PPP1R17: variants seen among roughly 807,000 people sequenced by gnomAD.
The protein encoded by PPP1R17 is G-substrate.
A neutral mutation model predicts 15.9 loss-of-function variants in PPP1R17; 12 were observed. The observed-to-expected ratio is 0.75, with a 90% CI of 0.48 to 1.22. PPP1R17 has a LOEUF of 1.22. PPP1R17 is among the 50% of genes most tolerant of loss of function. The pLI is 0.00. For synonymous variants in PPP1R17, 63 were observed against 64.5 expected (o/e 0.98, Z 0.11); for missense variants, 211 against 187.3 (o/e 1.13, Z -0.74).
In PPP1R17 at chr7:31,692,265, A is replaced by C. The variant is rs1261633921; in HGVS notation, c.-36-141A>C. 1.1e-5 allele frequency: 6 copies of C among 548,874 alleles called. No individual in the cohort carries two copies. The African/African-American group carries it at 1.1e-4, about 10-fold the overall frequency. 34.0% of individuals were successfully genotyped at this position (548,874 alleles called of 1,614,324 possible). Reference sequence around the variant, plus strand: ...TCAAGTTTAGAGTTTCTAATAGCCAAGTTTAAGAAGCACACATAAAGAAAC... The same window carrying C: ...TCAAGTTTAGAGTTTCTAATAGCCACGTTTAAGAAGCACACATAAAGAAAC... On this transcript the variant is annotated intron_variant, in intron 1 of 4. Coordinates refer to ENST00000342032, the MANE Select transcript of PPP1R17 (RefSeq NM_006658.5).
At chr7:31,692,712 T>C (rs1487302375) in intron 2 of PPP1R17, among the ~76,000 whole-genome samples, 189 bp downstream of exon 2, 2 of 152,112 alleles carry the variant, frequency 1.3e-5, no homozygotes, top group African/African-American at 2.4e-5. Context: ...ATGTAAATAT[T>C]AGCTGAAGCA....
chr7:31,690,624 G>C (rs1384751340), intron 1 of PPP1R17, among the ~76,000 whole-genome samples: 2 of 152,126 alleles, frequency 1.3e-5, no homozygotes, highest in African/African-American at 4.8e-5. Context: ...AGGTCTATTT[G>C]ACTCAAGAAT....
chr7:31,694,387 AACACAC>A (rs533091870), intron 2 of PPP1R17, among the ~76,000 whole-genome samples: 19 of 141,676 alleles, frequency 1.3e-4, no homozygotes, highest in Non-Finnish European at 2.0e-4. Flanking sequence ...CTCTCTCTCA[AACACAC>A]ACACACACAC....
intron 4 of PPP1R17, among the ~76,000 whole-genome samples, chr7:31,704,619 C>T (rs1179557168): frequency 6.6e-5 from 10 of 152,116 alleles, no homozygotes; most frequent in East Asian, 5.8e-4. Flanking sequence ...GTGAAATATG[C>T]GGTAACAGAG....
chr7:31,700,782 A>G (rs1175018494), intron 4 of PPP1R17, among the ~76,000 whole-genome samples: 1 of 152,126 alleles, frequency 6.6e-6, no homozygotes, highest in Non-Finnish European at 1.5e-5. Context: ...GCCCTTATGA[A>G]TTATGTTAAA....
At chr7:31,694,999 T>C (rs921654501) in intron 2 of PPP1R17, among the ~76,000 whole-genome samples, 9 of 152,086 alleles carry the variant, frequency 5.9e-5, no homozygotes, top group Admixed American at 1.3e-4. Context: ...ACTGGCACAA[T>C]GATGAAGGCA....
rs1156581481 is a variant in PPP1R17 at position 31,692,405 on chromosome 7, G to C, written c.-36-1G>C. On this transcript the variant is annotated splice_acceptor_variant, in intron 1 of 4. Transcript: ENST00000342032. LOFTEE classifies it low-confidence loss of function (5UTR_SPLICE). ...ATTAACTGTTTTTTATACTTCCTTAGTGCTGGAGAAGAAATACATCCACCC... is the reference window on the plus strand; with the variant it reads ...ATTAACTGTTTTTTATACTTCCTTACTGCTGGAGAAGAAATACATCCACCC... 1 of 1,500,436 alleles carries C rather than the reference G, an allele frequency of 6.7e-7. No individual in the cohort carries two copies. The allele number at this position is 1,500,436 out of a possible 1,614,324, so 92.9% of individuals were successfully genotyped here. A position where few individuals can be genotyped will look rare whatever the true frequency, so the allele number is the denominator to read the frequency against.
At chr7:31,690,390 G>GC (rs1203714653) in intron 1 of PPP1R17, among the ~76,000 whole-genome samples, 2 of 152,220 alleles carry the variant, frequency 1.3e-5, no homozygotes, top group Non-Finnish European at 2.9e-5. Flanking sequence ...CTCAGGGTAA[G>GC]CTCGGGGGAC....
At chr7:31,693,350 C>T (rs537855890) in intron 2 of PPP1R17, among the ~76,000 whole-genome samples, 82 of 152,308 alleles carry the variant, frequency 5.4e-4, no homozygotes, top group Admixed American at 2.0e-3. Flanking sequence ...TTCATTTATT[C>T]AACACATGAC....
chr7:31,692,134 AAT>A (rs1027287126), intron 1 of PPP1R17, among the ~76,000 whole-genome samples: 5 of 152,162 alleles, frequency 3.3e-5, no homozygotes, highest in African/African-American at 1.2e-4. Flanking sequence ...TGAAACTCTC[AAT>A]GTGTCTCTGA....
At chr7:31,691,651 A>AT (rs1457361609) in intron 1 of PPP1R17, among the ~76,000 whole-genome samples, 2 of 151,952 alleles carry the variant, frequency 1.3e-5, no homozygotes, top group African/African-American at 2.4e-5. Context: ...ACGGGGACAG[A>AT]TTTGTTCTCA....
intron 4 of PPP1R17, among the ~76,000 whole-genome samples, chr7:31,703,321 G>A (rs1360354364): frequency 1.3e-5 from 2 of 152,300 alleles, no homozygotes; most frequent in Admixed American, 6.5e-5. Context: ...AGCCTAACGG[G>A]TTGAGCTCTG....
In PPP1R17 at chr7:31,707,444, CCT is replaced by C; in HGVS notation, c.*164_*165del. 1 of 595,028 alleles carries C rather than the reference CCT, an allele frequency of 1.7e-6. No individual in the cohort carries two copies. The highest frequency in any genetic ancestry group is 3.0e-6 in the Non-Finnish European group (1 of 337,312). 36.9% of individuals were successfully genotyped at this position (595,028 alleles called of 1,614,324 possible). The stretch of plus-strand genomic sequence containing the variant: ...ATGTATGCCATCAAATTGCCAGTCA[CCT>C]CTTTGTCTCTCTCTTCTTTCTGAGT... On this transcript the variant is annotated 3_prime_UTR_variant, in exon 5 of 5. Transcript: ENST00000342032.
intron 4 of PPP1R17, among the ~76,000 whole-genome samples, chr7:31,706,416 AAAAG>A (rs765373620): frequency 9.2e-5 from 14 of 152,234 alleles, no homozygotes; most frequent in Admixed American, 2.6e-4. Flanking sequence ...AAAATTTCAT[AAAAG>A]AAAGGATATT....
intron 4 of PPP1R17, among the ~76,000 whole-genome samples, chr7:31,700,533 C>G (rs928271754): frequency 1.3e-5 from 2 of 152,122 alleles, no homozygotes; most frequent in Non-Finnish European, 2.9e-5. Flanking sequence ...AGGAAGTGAT[C>G]CAGAAAATCT....
chr7:31,707,286 A>G lies in PPP1R17; in HGVS notation c.*3A>G. On this transcript the variant is annotated 3_prime_UTR_variant, in exon 5 of 5. Transcript: ENST00000342032. ...ATGGTGACAAGATAGCTATTTAAAG[A>G]TAGTTCCCCTGAGACCACTTGTAAA... The G allele has an allele frequency of 6.2e-7, 1 of 1,612,392 alleles. No homozygotes were observed. The highest frequency in any genetic ancestry group is 1.1e-5 in the South Asian group (1 of 90,990).
rs2267743 is a variant in PPP1R17 at position 31,704,380 on chromosome 7, T to C, written c.389-2824T>C. 1.2e-3 allele frequency among the ~76,000 whole-genome samples: 182 copies of C among 152,336 alleles called. 4 individuals are homozygous for C. The East Asian group carries it at 0.032, about 27-fold the overall frequency. The stretch of plus-strand genomic sequence containing the variant: ...GTAAAACAGCTTGCTTCAAAGCTGA[T>C]TGGCCCTTGGAGACTTTGGACTGGC... On this transcript the variant is annotated intron_variant, in intron 4 of 4. Coordinates refer to ENST00000342032, the MANE Select transcript of PPP1R17 (RefSeq NM_006658.5).
At chr7:31,691,823 C>CAAAAAAAAAAAAAA (rs1792364142) in intron 1 of PPP1R17, among the ~76,000 whole-genome samples, 1 of 77,848 alleles carries the variant, frequency 1.3e-5, no homozygotes, top group African/African-American at 4.0e-5. Flanking sequence ...AAAAAAAAAA[C>CAAAAAAAAAAAAAA]CAAGCAAAAA....
chr7:31,693,838 A>G (rs1040369328), intron 2 of PPP1R17, among the ~76,000 whole-genome samples: 16 of 152,352 alleles, frequency 1.1e-4, no homozygotes, highest in Admixed American at 3.3e-4. Flanking sequence ...AAGAGAAGGA[A>G]ATGAAAGGGA....
Sources: gnomAD v4.1 joint callset for allele counts (sites outside exome capture counted in the v4.1 genomes callset) on GRCh38, gnomAD v4.1.1 for gene constraint, MANE v1.5 for transcripts, NCBI Gene and HGNC (gene_info 2026-07-23, HGNC 2026-07-21) for gene names.